The following ENAH variants were observed in gnomAD, a reference collection of about 807,000 sequenced individuals.
The protein encoded by ENAH is ENAH actin regulator.
Under a neutral mutation model 78.7 loss-of-function variants are expected in ENAH, and 23 were observed. That is an observed-to-expected ratio of 0.29 (90% confidence interval 0.21 to 0.41). The LOEUF is 0.41. Ranked by LOEUF, ENAH falls within the 10% of genes least tolerant of loss-of-function variation. ENAH has a pLI of 1.00. For missense variants in ENAH, 544 were observed against 691.0 expected, an observed-to-expected ratio of 0.79 and a Z score of 2.39; for synonymous variants, 226 against 241.0, an observed-to-expected ratio of 0.94 and a Z score of 0.58.
At chr1:225,516,979 T>C (rs186025735) in intron 6 of ENAH, among the ~76,000 whole-genome samples, 9 of 151,424 alleles carry the variant, frequency 5.9e-5, no homozygotes, top group African/African-American at 1.9e-4. Flanking sequence ...TATCAAAACC[T>C]AGTTCAATAA....
chr1:225,587,260 C>T (rs77450957), intron 1 of ENAH, among the ~76,000 whole-genome samples: 6,627 of 152,094 alleles, frequency 0.044, 239 homozygotes, highest in South Asian at 0.12. Flanking sequence ...TTGCAGATGA[C>T]GAATTGCTGC....
intron 1 of ENAH, among the ~76,000 whole-genome samples, chr1:225,578,341 G>A (rs983843702): frequency 6.6e-6 from 1 of 152,126 alleles, no homozygotes; most frequent in South Asian, 2.1e-4. Context: ...CAGGCACAAT[G>A]GTGTGCACCT....
intron 11 of ENAH, among the ~76,000 whole-genome samples, chr1:225,507,137 C>T (rs2096338229): frequency 6.6e-6 from 1 of 151,996 alleles, no homozygotes; most frequent in Non-Finnish European, 1.5e-5. Context: ...CCTAAATATG[C>T]CCACATGTAC....
At chr1:225,642,607 T>C (rs746581161) in intron 1 of ENAH, among the ~76,000 whole-genome samples, 3 of 151,886 alleles carry the variant, frequency 2.0e-5, no homozygotes, top group Admixed American at 6.6e-5. Context: ...GAGTTCGAGG[T>C]TGCAGTAAGC....
At chr1:225,531,874 C>T (rs1003707797) in intron 3 of ENAH, among the ~76,000 whole-genome samples, 1 of 151,900 alleles carries the variant, frequency 6.6e-6, no homozygotes, top group African/African-American at 2.4e-5. Context: ...CTTTTTTTCT[C>T]ACCTCTTTAC....
At chr1:225,619,437 G>A (rs771905479) in intron 1 of ENAH, among the ~76,000 whole-genome samples, 15 of 152,108 alleles carry the variant, frequency 9.9e-5, no homozygotes, top group East Asian at 5.8e-4. Context: ...CCAGCTACTC[G>A]GGAGGCTGAG....
intron 1 of ENAH, among the ~76,000 whole-genome samples, chr1:225,621,560 G>A (rs1656943438): frequency 6.6e-6 from 1 of 151,780 alleles, no homozygotes; most frequent in African/African-American, 2.4e-5. Context: ...CCAAAGTGCT[G>A]GGATTACAGG....
intron 11 of ENAH, among the ~76,000 whole-genome samples, chr1:225,502,297 C>T (rs1575304905): frequency 6.6e-6 from 1 of 152,030 alleles, no homozygotes; most frequent in Admixed American, 6.6e-5. Flanking sequence ...CTGCAACCTC[C>T]GCCTCCCCGG....
At position 225,506,627 on chromosome 1, in the gene ENAH, A is replaced by C. The variant is rs543440187; in HGVS notation, c.1538+1324T>G. ...AATGTGCAATTTTTCTACTCTACTG[A>C]AAACACATGTCCACCAAAAGCAATT... is the stretch of plus-strand genomic sequence containing the variant. On this transcript the variant is annotated intron_variant, in intron 11 of 13. Coordinates refer to ENST00000366843, the MANE Select transcript of ENAH (RefSeq NM_018212.6). Among the ~76,000 whole-genome samples, 3 of 152,366 alleles carry C rather than the reference A, an allele frequency of 2.0e-5. No homozygotes were observed. In the South Asian group the frequency reaches 6.2e-4, roughly 32 times the overall value.
At chr1:225,517,606 A>T (rs1431539157) in intron 5 of ENAH, 4 of 1,551,084 alleles carry the variant, frequency 2.6e-6, no homozygotes, top group Non-Finnish European at 3.5e-6. Flanking sequence ...GCTAATCATT[A>T]TTGGAGGAGA....
intron 1 of ENAH, among the ~76,000 whole-genome samples, chr1:225,650,331 G>T (rs1041711481): frequency 2.6e-5 from 4 of 152,144 alleles, no homozygotes; most frequent in African/African-American, 9.7e-5. Flanking sequence ...CATCAGCGTG[G>T]TTCCTCTCTC....
At chr1:225,617,530 AAG>A (rs767654204) in intron 1 of ENAH, among the ~76,000 whole-genome samples, 5 of 152,154 alleles carry the variant, frequency 3.3e-5, no homozygotes, top group African/African-American at 1.2e-4. Context: ...GGTATTAAAA[AAG>A]TATTTTTTAA....
At position 225,594,149 on chromosome 1, in the gene ENAH, C is replaced by T. The variant is rs542149480; in HGVS notation, c.6-26735G>A. The stretch of plus-strand genomic sequence containing the variant: ...TTCACATTGCTTCTCTGGAACACTG[C>T]TAGATTCAAAGTTTAAGGACAAACT... On this transcript the variant is annotated intron_variant, in intron 1 of 13. Transcript: ENST00000366843. Among the ~76,000 whole-genome samples, 1,012 of 152,208 alleles carry T rather than the reference C, an allele frequency of 6.6e-3. 14 individuals are homozygous for T. Among genetic ancestry groups the T allele is most frequent in the African/African-American group, 0.023 (953 of 41,522 alleles).
At chr1:225,566,263 T>TTTG in intron 2 of ENAH, among the ~76,000 whole-genome samples, 1 of 152,012 alleles carries the variant, frequency 6.6e-6, no homozygotes, top group East Asian at 1.9e-4. Context: ...TTGTGTGTTT[T>TTTG]TTTGTTTGTT....
intron 1 of ENAH, among the ~76,000 whole-genome samples, chr1:225,583,371 T>G (rs1377371810): frequency 2.8e-5 from 4 of 140,900 alleles, no homozygotes; most frequent in Non-Finnish European, 4.6e-5. Flanking sequence ...GGAGGTGGAG[T>G]TGCAGTGAGC....
intron 1 of ENAH, among the ~76,000 whole-genome samples, chr1:225,630,883 CT>C (rs1159548443): frequency 3.3e-5 from 5 of 152,042 alleles, no homozygotes; most frequent in African/African-American, 4.8e-5. Flanking sequence ...AATATTACCC[CT>C]GTTACAGCAA....
intron 1 of ENAH, among the ~76,000 whole-genome samples, chr1:225,573,035 G>A (rs2096771084): frequency 6.6e-6 from 1 of 152,184 alleles, no homozygotes; most frequent in Admixed American, 6.5e-5. Flanking sequence ...GACTGAGCAG[G>A]TATATGTGAT....
At chr1:225,577,075 C>T (rs1189959177) in intron 1 of ENAH, among the ~76,000 whole-genome samples, 1 of 152,112 alleles carries the variant, frequency 6.6e-6, no homozygotes. Flanking sequence ...CAAGATTGTG[C>T]CACTGCACTC....
At chr1:225,585,435 T>C (rs1248578708) in intron 1 of ENAH, among the ~76,000 whole-genome samples, 2 of 152,114 alleles carry the variant, frequency 1.3e-5, no homozygotes, top group East Asian at 3.9e-4. Flanking sequence ...AGAATACACA[T>C]TCTTTTCAAG....
Sources: allele counts gnomAD v4.1 joint callset (sites outside exome capture counted in the v4.1 genomes callset), GRCh38; gene constraint gnomAD v4.1.1; transcripts MANE v1.5; gene names NCBI Gene and HGNC (gene_info 2026-07-23, HGNC 2026-07-21).